PPP2R5E: variants seen among roughly 807,000 people sequenced by gnomAD.
PPP2R5E encodes protein phosphatase 2 regulatory subunit B'epsilon.
In PPP2R5E, 4 loss-of-function variants were observed where a neutral mutation model predicts 65.3. The observed-to-expected ratio is 0.06, with a 90% CI of 0.03 to 0.14. The LOEUF (loss-of-function observed/expected upper bound fraction) is 0.14, where lower values mean the gene tolerates loss of function less well. Among genes scored for constraint, PPP2R5E ranks in the 10% least tolerant of loss-of-function variants. The pLI, the probability that PPP2R5E is intolerant of heterozygous loss-of-function variation, is 1.00. For missense variants in PPP2R5E, 274 were observed against 556.1 expected (o/e 0.49, Z 5.10); for synonymous variants, 183 against 187.4 (o/e 0.98, Z 0.19).
At chr14:63,489,393 TTTG>T (rs140733727) in intron 2 of PPP2R5E, among the ~76,000 whole-genome samples, 21,109 of 148,952 alleles carry the variant, frequency 0.14, 1,580 homozygotes, top group East Asian at 0.2. Context: ...TACCATAATT[TTTG>T]TTGTTGTTGT....
chr14:63,446,525 C>T (rs1261097946), intron 3 of PPP2R5E, among the ~76,000 whole-genome samples: 1 of 152,052 alleles, frequency 6.6e-6, no homozygotes, highest in Non-Finnish European at 1.5e-5. Context: ...GATGGTATGT[C>T]AGCAGGCATG....
At chr14:63,501,885 T>A (rs1470775994) in intron 2 of PPP2R5E, among the ~76,000 whole-genome samples, 2 of 152,092 alleles carry the variant, frequency 1.3e-5, no homozygotes, top group African/African-American at 4.8e-5. Flanking sequence ...AAATAAAAAT[T>A]AGAGTTTTGT....
intron 3 of PPP2R5E, among the ~76,000 whole-genome samples, chr14:63,433,055 T>TTTTTTTA (rs1887772348): frequency 6.9e-6 from 1 of 145,622 alleles, no homozygotes; most frequent in Admixed American, 6.8e-5. Flanking sequence ...TTTTTTTTTT[T>TTTTTTTA]GAGACAGGGT....
chr14:63,399,830 T>C lies in PPP2R5E; in HGVS notation c.550-3114A>G, dbSNP rs1885642825. Among the ~76,000 whole-genome samples the C allele has an allele frequency of 3.9e-5, 6 of 152,246 alleles. No individual in the cohort carries two copies. The South Asian group carries it at 1.2e-3, about 32-fold the overall frequency. The stretch of plus-strand genomic sequence containing the variant: ...TTTCAAGAGCACATAACACACAAAT[T>C]AGACTACCATCGTCATCAAAAAGGC... On this transcript the variant is annotated intron_variant, in intron 5 of 13. Coordinates refer to ENST00000337537, the MANE Select transcript of PPP2R5E (RefSeq NM_006246.5).
chr14:63,480,981 T>C (rs1890668506), intron 2 of PPP2R5E, among the ~76,000 whole-genome samples: 1 of 152,186 alleles, frequency 6.6e-6, no homozygotes, highest in South Asian at 2.1e-4. Context: ...AAACAAATTC[T>C]TTTGCAAATC....
chr14:63,432,586 G>T (rs978233101), intron 3 of PPP2R5E, among the ~76,000 whole-genome samples: 4 of 152,096 alleles, frequency 2.6e-5, no homozygotes, highest in Non-Finnish European at 4.4e-5. Flanking sequence ...AAAGGATTTT[G>T]TCTTTTGTTT....
At chr14:63,393,769 T>C (rs1353982093) in intron 8 of PPP2R5E, 51 bp downstream of exon 8, 2 of 1,310,538 alleles carry the variant, frequency 1.5e-6, no homozygotes, top group Admixed American at 2.1e-5. Flanking sequence ...AAAAACGAGT[T>C]TGCAAACTTT....
At chr14:63,437,105 A>C (rs1887984170) in intron 3 of PPP2R5E, among the ~76,000 whole-genome samples, 1 of 152,228 alleles carries the variant, frequency 6.6e-6, no homozygotes, top group Non-Finnish European at 1.5e-5. Flanking sequence ...ACACCATGGT[A>C]CTACATGGTA....
At chr14:63,422,729 TAAA>T (rs567590182) in intron 3 of PPP2R5E, among the ~76,000 whole-genome samples, 7 of 88,240 alleles carry the variant, frequency 7.9e-5, no homozygotes, top group East Asian at 8.1e-4. Flanking sequence ...TCCGTCTATT[TAAA>T]AAAAAAAAAA....
chr14:63,431,762 C>G (rs572398461), intron 3 of PPP2R5E, among the ~76,000 whole-genome samples: 19 of 151,848 alleles, frequency 1.3e-4, no homozygotes, highest in Non-Finnish European at 2.9e-5. Flanking sequence ...TCTAGAAATC[C>G]GGAAGAGGAT....
chr14:63,530,583 T>G (rs1302266748), intron 2 of PPP2R5E, among the ~76,000 whole-genome samples: 2 of 150,872 alleles, frequency 1.3e-5, no homozygotes, highest in East Asian at 3.9e-4. Flanking sequence ...CAAGCTTCTA[T>G]CCTACTTTTA....
At chr14:63,483,527 G>C (rs1208864884) in intron 2 of PPP2R5E, among the ~76,000 whole-genome samples, 1 of 152,192 alleles carries the variant, frequency 6.6e-6, no homozygotes, top group African/African-American at 2.4e-5. Context: ...CACGTACACA[G>C]CGCATTCACG....
intron 2 of PPP2R5E, among the ~76,000 whole-genome samples, chr14:63,517,140 T>C (rs561246044): frequency 1.3e-5 from 2 of 152,252 alleles, no homozygotes; most frequent in East Asian, 3.9e-4. Context: ...TATCAATTGT[T>C]AACTATGACA....
At chr14:63,429,929 C>T (rs61995013) in intron 3 of PPP2R5E, among the ~76,000 whole-genome samples, 3,311 of 152,148 alleles carry the variant, frequency 0.022, 44 homozygotes, top group Middle Eastern at 0.088. Flanking sequence ...GGCGATCCAC[C>T]CGCCTTGGCC....
intron 2 of PPP2R5E, among the ~76,000 whole-genome samples, chr14:63,492,942 C>G (rs892734378): frequency 2.0e-5 from 3 of 152,110 alleles, no homozygotes; most frequent in South Asian, 2.1e-4. Flanking sequence ...CTTTGTCAAG[C>G]TCTACTAAAT....
intron 5 of PPP2R5E, among the ~76,000 whole-genome samples, chr14:63,414,567 TATAAC>T (rs1886586996): frequency 6.6e-6 from 1 of 152,140 alleles, no homozygotes; most frequent in South Asian, 2.1e-4. Context: ...GATCCATTGT[TATAAC>T]ATGCACAATG....
chr14:63,376,399 A>AGTAG (rs1417249396), intron 13 of PPP2R5E, among the ~76,000 whole-genome samples: 2 of 152,232 alleles, frequency 1.3e-5, no homozygotes, highest in Non-Finnish European at 2.9e-5. Flanking sequence ...CAGAGAATAT[A>AGTAG]GTAGGTCAAG....
At chr14:63,382,680 C>T (rs1336914143) in intron 12 of PPP2R5E, among the ~76,000 whole-genome samples, 9 of 151,976 alleles carry the variant, frequency 5.9e-5, no homozygotes, top group East Asian at 1.9e-4. Flanking sequence ...GGATTATAGG[C>T]GTGAGCCACC....
intron 11 of PPP2R5E, 73 bp downstream of exon 11, chr14:63,389,539 A>G (rs1884886156): frequency 2.7e-6 from 4 of 1,480,022 alleles, no homozygotes; most frequent in Non-Finnish European, 2.7e-6. Context: ...GGTCCATTAC[A>G]TTGCTTTTGA....
Sources: allele counts gnomAD v4.1 joint callset (sites outside exome capture counted in the v4.1 genomes callset), GRCh38; gene constraint gnomAD v4.1.1; transcripts MANE v1.5; gene names NCBI Gene and HGNC (gene_info 2026-07-23, HGNC 2026-07-21).